The following PCDH15 variants were observed in gnomAD, a reference collection of about 807,000 sequenced individuals.
The protein encoded by PCDH15 is protocadherin-15.
In PCDH15, 129 loss-of-function variants were observed where a neutral mutation model predicts 178.5. The observed-to-expected ratio is 0.72, with a 90% CI of 0.63 to 0.84. The LOEUF (loss-of-function observed/expected upper bound fraction) is 0.84. Among genes scored for constraint, PCDH15 ranks in the 40% least tolerant of loss-of-function variants. PCDH15 has a pLI of 0.00. For missense variants in PCDH15, 2,230 were observed against 2,099.9 expected, an observed-to-expected ratio of 1.06 and a Z score of -1.21; for synonymous variants, 800 against 732.0, an observed-to-expected ratio of 1.09 and a Z score of -1.50.
intron 2 of PCDH15, among the ~76,000 whole-genome samples, chr10:55,380,344 C>T (rs769836304): frequency 6.6e-6 from 1 of 152,140 alleles, no homozygotes; most frequent in East Asian, 1.9e-4. Flanking sequence ...TACTACAAGT[C>T]TGGTGATTAA....
chr10:54,023,199 T>C lies in PCDH15; in HGVS notation c.2221-2A>G, dbSNP rs755925397. The C allele has an allele frequency of 3.7e-6, 6 of 1,612,426 alleles. No homozygotes were observed. Among genetic ancestry groups the C allele is most frequent in the Non-Finnish European group, 4.2e-6 (5 of 1,179,638 alleles). Reference sequence around the variant, plus strand: ...TATTCCAGCATCAGGGTCTGTTGCCTATTAAATAAAACAAAAAAACAAAAA... The same window carrying C: ...TATTCCAGCATCAGGGTCTGTTGCCCATTAAATAAAACAAAAAAACAAAAA... On this transcript the variant is annotated splice_acceptor_variant, in intron 18 of 37. Transcript: ENST00000644397. LOFTEE classifies it high-confidence loss of function.
At chr10:53,898,430 A>C (rs1053870086) in intron 26 of PCDH15, among the ~76,000 whole-genome samples, 1 of 152,182 alleles carries the variant, frequency 6.6e-6, no homozygotes, top group Non-Finnish European at 1.5e-5. Flanking sequence ...AAGAAAAACG[A>C]ATTACCATTG....
chr10:54,192,107 G>GA (rs35501378), intron 11 of PCDH15, among the ~76,000 whole-genome samples: 28 of 90,402 alleles, frequency 3.1e-4, no homozygotes, highest in Non-Finnish European at 5.4e-4. Context: ...AAGGAAGAAA[G>GA]AAAAAAAAAA....
intron 2 of PCDH15, among the ~76,000 whole-genome samples, chr10:55,373,354 G>A (rs1007121844): frequency 6.6e-6 from 1 of 152,048 alleles, no homozygotes; most frequent in African/African-American, 2.4e-5. Flanking sequence ...CTTTCCATGG[G>A]GGAAAGTATC....
At chr10:54,355,254 A>C (rs1944802621) in intron 5 of PCDH15, among the ~76,000 whole-genome samples, 1 of 151,880 alleles carries the variant, frequency 6.6e-6, no homozygotes, top group Non-Finnish European at 1.5e-5. Context: ...TGGTTACAAA[A>C]TTATAGGCTT....
intron 2 of PCDH15, among the ~76,000 whole-genome samples, chr10:54,590,398 C>T (rs6481107): frequency 0.92 from 139,858 of 152,200 alleles, 64,762 homozygotes; most frequent in Middle Eastern, 0.98. Flanking sequence ...TTGCTTAAAC[C>T]GATGTTTTGG....
At chr10:55,110,667 G>A (rs1045674905) in intron 2 of PCDH15, among the ~76,000 whole-genome samples, 1 of 150,970 alleles carries the variant, frequency 6.6e-6, no homozygotes, top group Admixed American at 6.6e-5. Context: ...CCAACAAGAG[G>A]GTTCCTGTTC....
intron 2 of PCDH15, among the ~76,000 whole-genome samples, chr10:54,938,722 A>G (rs1837975148): frequency 6.6e-6 from 1 of 152,224 alleles, no homozygotes; most frequent in Non-Finnish European, 1.5e-5. Context: ...TAATTAATTT[A>G]AGAGCCTTGA....
At chr10:55,028,805 T>C (rs1045059574) in intron 2 of PCDH15, among the ~76,000 whole-genome samples, 1 of 151,998 alleles carries the variant, frequency 6.6e-6, no homozygotes, top group African/African-American at 2.4e-5. Flanking sequence ...CTTTTAAAGA[T>C]CGTACATGTT....
chr10:55,275,476 A>C (rs1350887756), intron 1 of PCDH15, among the ~76,000 whole-genome samples: 1 of 151,820 alleles, frequency 6.6e-6, no homozygotes, highest in Non-Finnish European at 1.5e-5. Context: ...TGTTTTTTCC[A>C]CTAAAATCTT....
chr10:54,409,410 G>GT (rs1434553341), intron 3 of PCDH15, among the ~76,000 whole-genome samples: 1 of 151,888 alleles, frequency 6.6e-6, no homozygotes, highest in Non-Finnish European at 1.5e-5. Context: ...AGGGTATATT[G>GT]TTTTTTGTAA....
intron 1 of PCDH15, among the ~76,000 whole-genome samples, chr10:54,793,961 A>G (rs1268109202): frequency 4.1e-5 from 6 of 146,952 alleles, no homozygotes; most frequent in Non-Finnish European, 8.9e-5. Flanking sequence ...AGGGGCAGGA[A>G]TGTGTTCTTT....
intron 2 of PCDH15, among the ~76,000 whole-genome samples, chr10:55,039,957 C>T (rs982135361): frequency 6.6e-6 from 1 of 151,956 alleles, no homozygotes; most frequent in Non-Finnish European, 1.5e-5. Flanking sequence ...CCATAGGTAT[C>T]CCATATGGTG....
intron 2 of PCDH15, among the ~76,000 whole-genome samples, chr10:55,354,503 ATAT>A (rs1189968725): frequency 6.6e-6 from 1 of 152,118 alleles, no homozygotes; most frequent in South Asian, 2.1e-4. Context: ...CATTTTCCTA[ATAT>A]TCATCTTCTA....
intron 1 of PCDH15, among the ~76,000 whole-genome samples, chr10:54,713,508 G>T (rs1205433703): frequency 6.6e-6 from 1 of 152,060 alleles, no homozygotes; most frequent in Non-Finnish European, 1.5e-5. Context: ...AAACGTTTAA[G>T]AAGTAACAGT....
intron 25 of PCDH15, among the ~76,000 whole-genome samples, chr10:53,927,581 T>C (rs1346240772): frequency 3.9e-5 from 6 of 152,140 alleles, no homozygotes; most frequent in South Asian, 4.1e-4. Flanking sequence ...GGTGGAGTAG[T>C]ACAACAATAG....
intron 5 of PCDH15, among the ~76,000 whole-genome samples, chr10:54,347,050 A>C (rs1031130674): frequency 2.0e-5 from 3 of 152,188 alleles, no homozygotes; most frequent in African/African-American, 7.2e-5. Context: ...CTGGAGAGAT[A>C]GCAACATCTT....
At chr10:54,732,819 A>T (rs960622642) in intron 1 of PCDH15, among the ~76,000 whole-genome samples, 1 of 151,696 alleles carries the variant, frequency 6.6e-6, no homozygotes, top group African/African-American at 2.4e-5. Flanking sequence ...GGCAATATAT[A>T]CAAAACATAC....
chr10:54,217,341 A>C (rs2052209120), intron 9 of PCDH15, among the ~76,000 whole-genome samples: 1 of 152,186 alleles, frequency 6.6e-6, no homozygotes, highest in African/African-American at 2.4e-5. Context: ...CATCACACCC[A>C]CAGTGTAATA....
Sources: allele counts gnomAD v4.1 joint callset (sites outside exome capture counted in the v4.1 genomes callset), GRCh38; gene constraint gnomAD v4.1.1; transcripts MANE v1.5; gene names NCBI Gene and HGNC (gene_info 2026-07-23, HGNC 2026-07-21).